MACROD2: variants seen among roughly 807,000 people sequenced by gnomAD.
The protein encoded by MACROD2 is mono-ADP ribosylhydrolase 2, also known as ADP-ribose glycohydrolase MACROD2.
MACROD2 carries 36 observed loss-of-function variants against 70.4 expected under a neutral mutation model. That is an observed-to-expected ratio of 0.51 (90% confidence interval 0.39 to 0.68). The LOEUF is 0.68. Among genes scored for constraint, MACROD2 ranks in the 30% least tolerant of loss-of-function variants. The probability of loss-of-function intolerance (pLI) is 0.00; values close to 1 mark genes in which losing one functional copy is unlikely to be tolerated. For synonymous variants in MACROD2, 172 were observed against 178.8 expected (o/e 0.96, Z 0.30); for missense variants, 496 against 538.4 (o/e 0.92, Z 0.78).
chr20:14,991,982 A>G (rs2074908457), intron 5 of MACROD2, among the ~76,000 whole-genome samples: 1 of 152,158 alleles, frequency 6.6e-6, no homozygotes, highest in Non-Finnish European at 1.5e-5. Context: ...CCTACTCAGT[A>G]TTAAGCACTT....
At chr20:15,058,644 C>G (rs1037212474) in intron 5 of MACROD2, among the ~76,000 whole-genome samples, 1 of 152,152 alleles carries the variant, frequency 6.6e-6, no homozygotes, top group African/African-American at 2.4e-5. Context: ...TTTAATTATG[C>G]TATGCTCTAC....
At chr20:15,323,672 C>T (rs577006895) in intron 6 of MACROD2, among the ~76,000 whole-genome samples, 3 of 152,280 alleles carry the variant, frequency 2.0e-5, no homozygotes, top group African/African-American at 7.2e-5. Context: ...TGCATTCTGT[C>T]TAATTGATTC....
chr20:15,681,936 C>T (rs574241232), intron 8 of MACROD2, among the ~76,000 whole-genome samples: 1 of 152,172 alleles, frequency 6.6e-6, no homozygotes, highest in African/African-American at 2.4e-5. Context: ...TTTGTGATTC[C>T]CAAGGTGATA....
At chr20:14,721,610 C>A (rs574314233) in intron 5 of MACROD2, among the ~76,000 whole-genome samples, 11 of 152,106 alleles carry the variant, frequency 7.2e-5, no homozygotes, top group Non-Finnish European at 1.3e-4. Flanking sequence ...GTGGGTGATT[C>A]CTCTGACCCT....
chr20:15,276,373 C>T (rs1185133867), intron 6 of MACROD2, among the ~76,000 whole-genome samples: 1 of 143,682 alleles, frequency 7.0e-6, no homozygotes, highest in Non-Finnish European at 1.5e-5. Flanking sequence ...GCACTCTGGC[C>T]TGGGCGACAG....
At chr20:15,961,345 C>G (rs937225123) in intron 12 of MACROD2, among the ~76,000 whole-genome samples, 1 of 152,096 alleles carries the variant, frequency 6.6e-6, no homozygotes, top group Non-Finnish European at 1.5e-5. Context: ...GACCCAAATG[C>G]TTGTCTCACT....
chr20:14,365,478 T>C (rs1222912219), intron 3 of MACROD2, among the ~76,000 whole-genome samples: 1 of 151,874 alleles, frequency 6.6e-6, no homozygotes, highest in East Asian at 1.9e-4. Flanking sequence ...CCCACTTTCA[T>C]TTATGATTAT....
At chr20:15,320,064 C>T (rs917300555) in intron 6 of MACROD2, among the ~76,000 whole-genome samples, 3 of 152,004 alleles carry the variant, frequency 2.0e-5, no homozygotes, top group East Asian at 1.9e-4. Flanking sequence ...AATTGCTGAG[C>T]GTGGTGACTC....
At chr20:14,332,369 T>C (rs2082860014) in intron 3 of MACROD2, among the ~76,000 whole-genome samples, 1 of 152,076 alleles carries the variant, frequency 6.6e-6, no homozygotes, top group African/African-American at 2.4e-5. Context: ...ATCAAGAGCT[T>C]GCGGCAATCT....
chr20:15,335,358 G>A (rs2078036693), intron 6 of MACROD2, among the ~76,000 whole-genome samples: 1 of 151,550 alleles, frequency 6.6e-6, no homozygotes, highest in African/African-American at 2.4e-5. Flanking sequence ...GTCATTCCAA[G>A]GTTTTTTTTT....
At chr20:15,470,086 G>T (rs575416823) in intron 7 of MACROD2, among the ~76,000 whole-genome samples, 2 of 151,990 alleles carry the variant, frequency 1.3e-5, no homozygotes, top group East Asian at 3.9e-4. Flanking sequence ...GTCTTGCTCT[G>T]TCACCCAGAT....
intron 8 of MACROD2, 63 bp downstream of exon 8, chr20:15,499,910 C>T: frequency 2.1e-6 from 3 of 1,455,154 alleles, no homozygotes; most frequent in South Asian, 1.2e-5. Flanking sequence ...CAGTTCCCCC[C>T]AAAAAAGCAC....
At chr20:14,734,115 G>A (rs1445950271) in intron 5 of MACROD2, among the ~76,000 whole-genome samples, 3 of 151,882 alleles carry the variant, frequency 2.0e-5, no homozygotes, top group Non-Finnish European at 1.5e-5. Context: ...CTTAAAAACC[G>A]TCAAAGAGTC....
At chr20:15,366,229 G>A (rs1041479428) in intron 6 of MACROD2, among the ~76,000 whole-genome samples, 1 of 152,146 alleles carries the variant, frequency 6.6e-6, no homozygotes, top group African/African-American at 2.4e-5. Flanking sequence ...AGAAAATTAA[G>A]TTATGGAAGT....
chr20:15,245,726 C>A (rs980727972), intron 6 of MACROD2, among the ~76,000 whole-genome samples: 3 of 152,154 alleles, frequency 2.0e-5, no homozygotes, highest in African/African-American at 4.8e-5. Context: ...AATGATTTTG[C>A]TCGACGGTTG....
intron 6 of MACROD2, among the ~76,000 whole-genome samples, chr20:15,293,353 G>A (rs965214373): frequency 3.3e-4 from 50 of 152,100 alleles, no homozygotes; most frequent in Non-Finnish European, 3.2e-4. Context: ...AGAATATTGC[G>A]TTATTCATAT....
intron 4 of MACROD2, among the ~76,000 whole-genome samples, chr20:14,576,377 C>T (rs1959500461): frequency 6.6e-6 from 1 of 152,150 alleles, no homozygotes. Flanking sequence ...GATTTTTCCT[C>T]CGATTCAAGG....
At position 15,227,425 on chromosome 20, in the gene MACROD2, A is replaced by G. The variant is rs1354862616; in HGVS notation, c.419-2515A>G. Among the ~76,000 whole-genome samples, 3 of 144,644 alleles carry G rather than the reference A, an allele frequency of 2.1e-5. No individual in the cohort carries two copies. The East Asian group carries it at 6.2e-4, about 30-fold the overall frequency. 94.9% of individuals were successfully genotyped at this position (144,644 alleles called of 152,430 possible). Reference sequence around the variant, plus strand: ...GTTAATATCTCTAAGCCTCTTCTTTACTTTGCTCAATGTTTTTTATTACTC... The same window carrying G: ...GTTAATATCTCTAAGCCTCTTCTTTGCTTTGCTCAATGTTTTTTATTACTC... On this transcript the variant is annotated intron_variant, in intron 5 of 17. Coordinates refer to ENST00000684519, the MANE Select transcript of MACROD2 (RefSeq NM_001351661.2).
At chr20:15,515,381 G>A (rs148462963) in intron 8 of MACROD2, among the ~76,000 whole-genome samples, 1 of 152,298 alleles carries the variant, frequency 6.6e-6, no homozygotes, top group East Asian at 1.9e-4. Flanking sequence ...TGCTGCCTTT[G>A]TTGCAAACAC....
Sources: allele counts gnomAD v4.1 joint callset (sites outside exome capture counted in the v4.1 genomes callset), GRCh38; gene constraint gnomAD v4.1.1; transcripts MANE v1.5; gene names NCBI Gene and HGNC (gene_info 2026-07-23, HGNC 2026-07-21).